The following NTM variants were observed in gnomAD, a reference collection of about 807,000 sequenced individuals.
The protein encoded by NTM is IgLON family member 2.
In NTM, 13 loss-of-function variants were observed where a neutral mutation model predicts 42.1. The observed-to-expected ratio is 0.31, with a 90% CI of 0.20 to 0.49. The LOEUF (loss-of-function observed/expected upper bound fraction) is 0.49. Among genes scored for constraint, NTM ranks in the 20% least tolerant of loss-of-function variants. NTM has a pLI of 0.99. For synonymous variants in NTM, 187 were observed against 179.2 expected (o/e 1.04, Z -0.35); for missense variants, 373 against 452.8 (o/e 0.82, Z 1.60).
intron 1 of NTM, among the ~76,000 whole-genome samples, chr11:131,684,905 G>A (rs2073616600): frequency 6.6e-6 from 1 of 152,220 alleles, no homozygotes; most frequent in South Asian, 2.1e-4. Flanking sequence ...CCAAGGGCAT[G>A]AGTGAGCCTC....
chr11:131,494,317 G>A (rs960639489), intron 1 of NTM, among the ~76,000 whole-genome samples: 1 of 152,132 alleles, frequency 6.6e-6, no homozygotes, highest in African/African-American at 2.4e-5. Context: ...TGTGGGAGGA[G>A]AGGGCTATTT....
At chr11:132,243,343 T>C (rs1442703888) in intron 4 of NTM, among the ~76,000 whole-genome samples, 2 of 152,208 alleles carry the variant, frequency 1.3e-5, no homozygotes, top group African/African-American at 4.8e-5. Context: ...AATATTTGAA[T>C]TTGTCATTCA....
At chr11:131,376,436 T>G (rs1941987711) in intron 1 of NTM, among the ~76,000 whole-genome samples, 1 of 152,192 alleles carries the variant, frequency 6.6e-6, no homozygotes, top group Admixed American at 6.5e-5. Flanking sequence ...TCTCCCCTAC[T>G]TAAGTCATAT....
At chr11:131,438,918 G>A (rs1431118792) in intron 1 of NTM, among the ~76,000 whole-genome samples, 2 of 152,160 alleles carry the variant, frequency 1.3e-5, no homozygotes, top group Non-Finnish European at 2.9e-5. Context: ...CATCTTTGTG[G>A]TCTTTATCTA....
chr11:131,777,802 G>A (rs902395466), intron 1 of NTM, among the ~76,000 whole-genome samples: 2 of 152,134 alleles, frequency 1.3e-5, no homozygotes, highest in Non-Finnish European at 2.9e-5. Context: ...GACTGTGAAT[G>A]CTTCAGCATA....
chr11:131,755,865 A>T (rs6590593), intron 1 of NTM, among the ~76,000 whole-genome samples: 14,099 of 152,282 alleles, frequency 0.093, 2,242 homozygotes, highest in African/African-American at 0.32. Flanking sequence ...CAAAGTAAGC[A>T]TAATAACCTC....
intron 1 of NTM, among the ~76,000 whole-genome samples, chr11:131,799,018 T>A (rs1362540311): frequency 6.6e-6 from 1 of 152,228 alleles, no homozygotes; most frequent in Non-Finnish European, 1.5e-5. Context: ...TGATTGAAAT[T>A]CCAAAACAGA....
At chr11:132,263,407 G>A (rs1371977026) in intron 4 of NTM, among the ~76,000 whole-genome samples, 1 of 152,100 alleles carries the variant, frequency 6.6e-6, no homozygotes, top group Non-Finnish European at 1.5e-5. Flanking sequence ...CCTTCCTTCT[G>A]TTTCCTTCAG....
rs140136913 is a variant in NTM, at chr11:131,914,098, C to G, written c.167+2450C>G. On this transcript the variant is annotated intron_variant, in intron 2 of 8. Coordinates refer to ENST00000683400, the MANE Select transcript of NTM (RefSeq NM_001352005.2). ...CCTGAACTCTCAAACATAGGTCCTGCATTTTCTTGTTCTGTGTACAGAGAG... is the reference window on the plus strand; with the variant it reads ...CCTGAACTCTCAAACATAGGTCCTGGATTTTCTTGTTCTGTGTACAGAGAG... Among the ~76,000 whole-genome samples the G allele has an allele frequency of 6.1e-3, 935 of 152,276 alleles. 13 individuals carry two copies. The highest frequency in any genetic ancestry group is 0.02 in the African/African-American group (849 of 41,550).
intron 4 of NTM, among the ~76,000 whole-genome samples, chr11:132,272,996 ATTTTTGTTTTG>A (rs775957978): frequency 3.3e-5 from 5 of 151,940 alleles, no homozygotes; most frequent in Non-Finnish European, 5.9e-5. Flanking sequence ...TAGCTTTATG[ATTTTTGTTTTG>A]TTTTTGTTTT....
rs58374119 is a variant in NTM at position 131,638,563 on chromosome 11, C to CAAA, written c.82+267698_82+267700dup. 8.2e-3 allele frequency among the ~76,000 whole-genome samples: 435 copies of CAAA among 52,784 alleles called. 11 individuals carry two copies. Among genetic ancestry groups the CAAA allele is most frequent in the African/African-American group, 0.026 (312 of 11,968 alleles). 34.6% of individuals were successfully genotyped at this position (52,784 alleles called of 152,430 possible). On this transcript the variant is annotated intron_variant, in intron 1 of 8. Transcript: ENST00000683400. ...CCTAGGTGACACAGCGAGACTCCTT[C>CAAA]AAAAAAAAAAAAAAAAAAAAAAAAA...
At chr11:131,780,889 A>T (rs971937551) in intron 1 of NTM, among the ~76,000 whole-genome samples, 1 of 152,184 alleles carries the variant, frequency 6.6e-6, no homozygotes, top group African/African-American at 2.4e-5. Flanking sequence ...CAAAGAAAGA[A>T]CTAATAACCA....
intron 2 of NTM, among the ~76,000 whole-genome samples, chr11:131,935,110 A>C (rs760714283): frequency 7.2e-5 from 11 of 152,214 alleles, no homozygotes; most frequent in Non-Finnish European, 1.2e-4. Flanking sequence ...CTGGTGAAGC[A>C]GACTAAGCTG....
intron 1 of NTM, among the ~76,000 whole-genome samples, chr11:131,595,480 G>A (rs2059737411): frequency 6.6e-6 from 1 of 152,180 alleles, no homozygotes; most frequent in African/African-American, 2.4e-5. Context: ...GTGGAGGTTT[G>A]CCTCTCATCA....
intron 1 of NTM, among the ~76,000 whole-genome samples, chr11:131,587,311 G>A (rs896917966): frequency 1.3e-5 from 2 of 152,110 alleles, no homozygotes; most frequent in Admixed American, 6.5e-5. Flanking sequence ...AGCCAGGCAT[G>A]GTGGCAGGTG....
At chr11:132,250,664 T>C (rs1297301629) in intron 4 of NTM, among the ~76,000 whole-genome samples, 1 of 152,172 alleles carries the variant, frequency 6.6e-6, no homozygotes, top group African/African-American at 2.4e-5. Context: ...CATATTCTTT[T>C]ACACCTTTAC....
At chr11:131,634,108 G>C (rs2064064001) in intron 1 of NTM, among the ~76,000 whole-genome samples, 1 of 152,154 alleles carries the variant, frequency 6.6e-6, no homozygotes, top group Admixed American at 6.5e-5. Context: ...GGAGCATACT[G>C]GGTAAACAGG....
chr11:132,329,800 G>A (rs2095762300), intron 7 of NTM, among the ~76,000 whole-genome samples: 1 of 152,230 alleles, frequency 6.6e-6, no homozygotes, highest in Non-Finnish European at 1.5e-5. Context: ...GTTCTACAAA[G>A]CCTATTTGGT....
intron 1 of NTM, among the ~76,000 whole-genome samples, chr11:131,863,475 C>T (rs1221022788): frequency 1.3e-5 from 2 of 152,144 alleles, no homozygotes; most frequent in Non-Finnish European, 2.9e-5. Context: ...GTCCAGGAAG[C>T]GATGCTCCAA....
Sources: gnomAD v4.1 joint callset for allele counts (sites outside exome capture counted in the v4.1 genomes callset) on GRCh38, gnomAD v4.1.1 for gene constraint, MANE v1.5 for transcripts, NCBI Gene and HGNC (gene_info 2026-07-23, HGNC 2026-07-21) for gene names.